Variants in ANKS1B observed in about 807,000 individuals in gnomAD.
ANKS1B encodes the protein ankyrin repeat and sterile alpha motif domain-containing protein 1B.
In ANKS1B, 36 loss-of-function variants were observed where a neutral mutation model predicts 148.3. The ratio of observed to expected loss-of-function variants is 0.24; its 90% CI spans 0.19 to 0.32. ANKS1B has a LOEUF of 0.32. Ranked by LOEUF, ANKS1B falls within the 10% of genes least tolerant of loss-of-function variation. The pLI is 1.00. For synonymous variants in ANKS1B, 542 were observed against 560.8 expected (o/e 0.97, Z 0.47); for missense variants, 1,157 against 1,542.6 (o/e 0.75, Z 4.19).
chr12:99,155,119 T>C, intron 14 of ANKS1B: 1 of 1,503,052 alleles, frequency 6.7e-7, no homozygotes, highest in South Asian at 1.3e-5. Flanking sequence ...ATTTTACGTT[T>C]CAAAAGACAC....
At chr12:98,954,824 C>G (rs1403098275) in intron 17 of ANKS1B, among the ~76,000 whole-genome samples, 1 of 152,160 alleles carries the variant, frequency 6.6e-6, no homozygotes, top group East Asian at 1.9e-4. Flanking sequence ...GTGTCTTATT[C>G]TGTCAACAGA....
Position 98,744,240 on chromosome 12 carries a change from T to C in ANKS1B, c.*1499A>G, listed in dbSNP as rs1388098377. Reference sequence around the variant, plus strand: ...GTTCAGTTCAAGTAATTTAATATTGTATTAAAATTCTTCAACACTGAACTA... The same window carrying C: ...GTTCAGTTCAAGTAATTTAATATTGCATTAAAATTCTTCAACACTGAACTA... On this transcript the variant is annotated 3_prime_UTR_variant, in exon 27 of 27. Coordinates refer to ENST00000683438, the MANE Select transcript of ANKS1B (RefSeq NM_001352186.2). 2 of 958,096 alleles carry C rather than the reference T, an allele frequency of 2.1e-6. No individual in the cohort carries two copies. Among genetic ancestry groups the C allele is most frequent in the Non-Finnish European group, 2.5e-6 (2 of 804,798 alleles). 59.3% of individuals were successfully genotyped at this position (958,096 alleles called of 1,614,324 possible). A position where few individuals can be genotyped will look rare whatever the true frequency, so the allele number is the denominator to read the frequency against.
At chr12:98,859,960 A>C (rs1567239675) in intron 17 of ANKS1B, among the ~76,000 whole-genome samples, 2 of 152,246 alleles carry the variant, frequency 1.3e-5, no homozygotes, top group Admixed American at 1.3e-4. Context: ...GCACAGACAA[A>C]CAGAAGTTAA....
intron 16 of ANKS1B, among the ~76,000 whole-genome samples, chr12:99,074,123 C>A (rs1158985814): frequency 6.6e-6 from 1 of 152,178 alleles, no homozygotes. Context: ...TGCAGGATAA[C>A]TCCAAGGGAG....
At chr12:99,937,449 G>A (rs1317500123) in intron 1 of ANKS1B, among the ~76,000 whole-genome samples, 1 of 152,140 alleles carries the variant, frequency 6.6e-6, no homozygotes, top group African/African-American at 2.4e-5. Context: ...CTCAGAGTTA[G>A]AAATACCCAC....
Position 99,403,247 on chromosome 12 carries a change from C to T in ANKS1B, c.1576-3436G>A, listed in dbSNP as rs1378024875. Among the ~76,000 whole-genome samples the T allele has an allele frequency of 3.4e-4, 45 of 133,984 alleles. 4 individuals are homozygous for T. The highest frequency in any genetic ancestry group is 1.3e-3 in the African/African-American group (44 of 34,020). The allele number at this position is 133,984 out of a possible 152,430, so 87.9% of individuals were successfully genotyped here. A position where few individuals can be genotyped will look rare whatever the true frequency, so the allele number is the denominator to read the frequency against. ...TCCCAGCTCAATGCAACCTCTGCCT[C>T]CTGGGTTCAAGTGATTCTTGTGCCT... On this transcript the variant is annotated intron_variant, in intron 11 of 26. Coordinates refer to ENST00000683438, the MANE Select transcript of ANKS1B (RefSeq NM_001352186.2).
At position 98,772,909 on chromosome 12, in the gene ANKS1B, A is replaced by G. The variant is rs1268977463; in HGVS notation, c.3579+133T>C. ...CTTTGTTATGGCAGCCCTAGCAAAC[A>G]AATACACTTGGTATGTATCTTAATA... On this transcript the variant is annotated intron_variant, in intron 25 of 26. Transcript: ENST00000683438. 6 of 989,778 alleles carry G rather than the reference A, an allele frequency of 6.1e-6. No individual in the cohort carries two copies. In the African/African-American group the frequency reaches 1.0e-4, roughly 17 times the overall value. The allele number at this position is 989,778 out of a possible 1,614,324, so 61.3% of individuals were successfully genotyped here.
intron 9 of ANKS1B, among the ~76,000 whole-genome samples, chr12:99,613,534 G>A (rs1262544075): frequency 6.6e-6 from 1 of 152,054 alleles, no homozygotes; most frequent in African/African-American, 2.4e-5. Flanking sequence ...AAAAAAGAAT[G>A]AGATCATGTC....
At chr12:99,811,265 A>ATGC (rs2068322341) in intron 3 of ANKS1B, among the ~76,000 whole-genome samples, 1 of 151,930 alleles carries the variant, frequency 6.6e-6, no homozygotes, top group Non-Finnish European at 1.5e-5. Flanking sequence ...TTTGAACAAT[A>ATGC]TGCTAATTGT....
intron 12 of ANKS1B, among the ~76,000 whole-genome samples, chr12:99,255,291 T>C (rs1306679917): frequency 6.6e-6 from 1 of 152,122 alleles, no homozygotes; most frequent in Non-Finnish European, 1.5e-5. Flanking sequence ...TATTCATTCT[T>C]CTTTCTTAAC....
At chr12:99,904,241 G>A (rs1409833681) in intron 1 of ANKS1B, among the ~76,000 whole-genome samples, 1 of 150,920 alleles carries the variant, frequency 6.6e-6, no homozygotes, top group African/African-American at 2.4e-5. Flanking sequence ...ACCCAGGCTG[G>A]AGTGCAATGG....
At chr12:99,219,206 C>T (rs1466992647) in intron 14 of ANKS1B, among the ~76,000 whole-genome samples, 2 of 152,148 alleles carry the variant, frequency 1.3e-5, no homozygotes, top group Admixed American at 1.3e-4. Flanking sequence ...GGCTCCTAAC[C>T]TCCCTTTTCT....
intron 4 of ANKS1B, among the ~76,000 whole-genome samples, chr12:99,801,595 G>A (rs1171547280): frequency 6.6e-6 from 1 of 152,096 alleles, no homozygotes; most frequent in Non-Finnish European, 1.5e-5. Flanking sequence ...GTAAAAACAA[G>A]CTTTTCTAAC....
intron 12 of ANKS1B, among the ~76,000 whole-genome samples, chr12:99,307,640 T>C (rs568886300): frequency 6.6e-6 from 1 of 151,814 alleles, no homozygotes; most frequent in South Asian, 2.1e-4. Context: ...GGGAGTTGGG[T>C]AGTGAGAGTT....
chr12:99,840,447 T>C (rs1405515170), intron 1 of ANKS1B, among the ~76,000 whole-genome samples: 1 of 152,132 alleles, frequency 6.6e-6, no homozygotes, highest in East Asian at 1.9e-4. Flanking sequence ...ACTTGTATTC[T>C]GCTGCTCTGC....
At chr12:99,007,489 C>G (rs1363424516) in intron 17 of ANKS1B, among the ~76,000 whole-genome samples, 1 of 152,174 alleles carries the variant, frequency 6.6e-6, no homozygotes. Flanking sequence ...CTGCTTCCAA[C>G]TCTGCTATGT....
intron 14 of ANKS1B, among the ~76,000 whole-genome samples, chr12:99,228,479 T>C (rs528467544): frequency 2.0e-5 from 3 of 151,930 alleles, no homozygotes; most frequent in African/African-American, 7.2e-5. Context: ...ATTGGAGAAA[T>C]GAGTGGAAGC....
intron 17 of ANKS1B, among the ~76,000 whole-genome samples, chr12:98,855,566 C>T (rs2099564480): frequency 1.3e-5 from 2 of 152,194 alleles, no homozygotes; most frequent in Non-Finnish European, 2.9e-5. Context: ...ACAGTAGGTA[C>T]TCAGTAAGTA....
chr12:99,440,550 A>G (rs1195965821), intron 11 of ANKS1B, among the ~76,000 whole-genome samples: 2 of 151,848 alleles, frequency 1.3e-5, no homozygotes, highest in African/African-American at 4.8e-5. Context: ...TTGCTTCACA[A>G]TCTAGAGGAT....
Sources: gnomAD v4.1 joint callset for allele counts (sites outside exome capture counted in the v4.1 genomes callset) on GRCh38, gnomAD v4.1.1 for gene constraint, MANE v1.5 for transcripts, NCBI Gene and HGNC (gene_info 2026-07-23, HGNC 2026-07-21) for gene names.